The following INPP5F variants were observed in gnomAD, a reference collection of about 807,000 sequenced individuals.
The protein encoded by INPP5F is inositol polyphosphate-5-phosphatase F.
In INPP5F, 97 loss-of-function variants were observed where a neutral mutation model predicts 137.2. The ratio of observed to expected loss-of-function variants is 0.71; its 90% CI spans 0.60 to 0.84. INPP5F has a LOEUF of 0.84. Ranked by LOEUF, INPP5F falls within the 40% of genes least tolerant of loss-of-function variation. The pLI, the probability that INPP5F is intolerant of heterozygous loss-of-function variation, is 0.00. For synonymous variants in INPP5F, 504 were observed against 476.9 expected, an observed-to-expected ratio of 1.06 and a Z score of -0.74; for missense variants, 1,271 against 1,371.9, an observed-to-expected ratio of 0.93 and a Z score of 1.16.
chr10:119,742,324 T>C (rs1039942758), intron 1 of INPP5F, among the ~76,000 whole-genome samples: 1 of 151,824 alleles, frequency 6.6e-6, no homozygotes, highest in African/African-American at 2.4e-5. Context: ...CTGGTTAATT[T>C]TTTTTGTATT....
chr10:119,780,767 TAC>T (rs1411614648), intron 2 of INPP5F, among the ~76,000 whole-genome samples: 1 of 152,194 alleles, frequency 6.6e-6, no homozygotes, highest in Non-Finnish European at 1.5e-5. Context: ...GCTTAAACAA[TAC>T]AGTTTAAAAA....
At chr10:119,772,424 T>TCTTTCG (rs1849393353) in intron 2 of INPP5F, among the ~76,000 whole-genome samples, 3 of 152,192 alleles carry the variant, frequency 2.0e-5, no homozygotes, top group Middle Eastern at 3.2e-3. Flanking sequence ...CAGCTCTTTC[T>TCTTTCG]ATTTCGTAAA....
intron 2 of INPP5F, among the ~76,000 whole-genome samples, chr10:119,766,751 G>C (rs1849176022): frequency 6.6e-6 from 1 of 151,556 alleles, no homozygotes. Context: ...TAAAAATAAA[G>C]ACATTTTGAG....
intron 2 of INPP5F, among the ~76,000 whole-genome samples, chr10:119,758,673 T>A: frequency 6.6e-6 from 1 of 152,186 alleles, no homozygotes; most frequent in East Asian, 1.9e-4. Flanking sequence ...AAGAGAAAAT[T>A]GTCAGGAGCC....
rs757423473 is a variant in INPP5F at position 119,826,972 on chromosome 10, T to C, written c.2591T>C (p.Leu864Pro). 7 of 1,614,030 alleles carry C rather than the reference T, an allele frequency of 4.3e-6. No individual in the cohort carries two copies. The highest frequency in any genetic ancestry group is 5.9e-6 in the Non-Finnish European group (7 of 1,179,992). The change falls in exon 20 of 20, where the codon CTT (leucine) becomes CCT (proline). Residue 864 changes from leucine to proline, a missense_variant. Physicochemically the swap from Leu to Pro is moderately conservative, Grantham distance 98. Coordinates refer to ENST00000650623, the MANE Select transcript of INPP5F (RefSeq NM_014937.4). ...DNDSYHSDEFLTNSKSDEDRQ... is the reference protein window; with the variant it reads ...DNDSYHSDEFPTNSKSDEDRQ... The stretch of plus-strand genomic sequence containing the variant: ...GACTCATACCACTCTGATGAATTCC[T>C]TACAAATTCTAAGTCTGATGAAGAC...
intron 2 of INPP5F, among the ~76,000 whole-genome samples, chr10:119,767,153 A>C (rs900762861): frequency 4.9e-5 from 7 of 143,888 alleles, no homozygotes; most frequent in Non-Finnish European, 9.1e-5. Flanking sequence ...ATTTTCAGGC[A>C]AAAGGAAAAT....
At position 119,827,576 on chromosome 10, in the gene INPP5F, C is replaced by T. The variant is rs1851820960; in HGVS notation, c.3195C>T (p.Ser1065=). 2 of 1,614,036 alleles carry T rather than the reference C, an allele frequency of 1.2e-6. No homozygotes were observed. Among genetic ancestry groups the T allele is most frequent in the Admixed American group, 1.7e-5 (1 of 60,002 alleles). The change falls in exon 20 of 20, where the codon AGC becomes AGT. Residue 1065 remains serine (S), a synonymous_variant. Coordinates refer to ENST00000650623, the MANE Select transcript of INPP5F (RefSeq NM_014937.4). ...VTPSPSESSS[S]RAVSPFAKIR... ...CTTCTCCTTCAGAGAGCAGTAGCAG[C>T]AGAGCAGTCTCTCCCTTTGCCAAGA...
chr10:119,741,842 A>G (rs905609830), intron 1 of INPP5F, among the ~76,000 whole-genome samples: 15 of 150,092 alleles, frequency 1.0e-4, no homozygotes, highest in African/African-American at 3.4e-4. Flanking sequence ...GCCATTATTT[A>G]TTTTTTTTGA....
At chr10:119,812,339 G>T (rs1851074534) in intron 15 of INPP5F, among the ~76,000 whole-genome samples, 1 of 151,234 alleles carries the variant, frequency 6.6e-6, no homozygotes, top group African/African-American at 2.4e-5. Context: ...TTATAAAGTG[G>T]TCCTGGCCTT....
intron 10 of INPP5F, 61 bp from the exon 11 acceptor site, chr10:119,805,323 A>C (rs1850730594): frequency 7.5e-7 from 1 of 1,341,594 alleles, no homozygotes; most frequent in East Asian, 2.4e-5. Flanking sequence ...GCATATCTTA[A>C]GTTTTAAAAA....
intron 15 of INPP5F, among the ~76,000 whole-genome samples, chr10:119,813,090 A>T (rs1302030565): frequency 6.6e-6 from 1 of 152,226 alleles, no homozygotes; most frequent in African/African-American, 2.4e-5. Flanking sequence ...TGGGATAATC[A>T]AAATTGGGAA....
intron 1 of INPP5F, among the ~76,000 whole-genome samples, chr10:119,745,865 C>T (rs775363967): frequency 4.0e-5 from 6 of 151,798 alleles, no homozygotes; most frequent in Admixed American, 1.3e-4. Context: ...CTACCATGCC[C>T]GGCTAGTTTT....
rs747816450 is a variant in INPP5F at position 119,826,897 on chromosome 10, T to C, written c.2516T>C (p.Val839Ala). 41 of 1,613,520 alleles carry C rather than the reference T, an allele frequency of 2.5e-5. No individual in the cohort carries two copies. The highest frequency in any genetic ancestry group is 3.1e-5 in the Non-Finnish European group (37 of 1,179,906). The stretch of plus-strand genomic sequence containing the variant: ...CTTGAAACTATGGAAAACACAGGAG[T>C]GATGGATAAGGTTCAGGCAGAGTCT... ...SSLETMENTG[V>A]MDKVQAESDG... The change falls in exon 20 of 20, where the codon GTG (valine) becomes GCG (alanine). Residue 839 changes from valine (V) to alanine (A), a missense_variant. This residue lies in a region of INPP5F where 490 missense variants were observed against 443.7 expected (regional missense o/e 1.10). Transcript: ENST00000650623.
rs768849313 is a variant in INPP5F, at chr10:119,827,359, A to G, written c.2978A>G (p.Asn993Ser). The G allele has an allele frequency of 1.9e-6, 3 of 1,614,128 alleles. No homozygotes were observed. The highest frequency in any genetic ancestry group is 1.7e-5 in the Admixed American group (1 of 60,028). ...AGTCAGGAAAGAAATCAAATGACCA[A>G]TCAAGTTTCAAATGAAACCCAATCA... ...QASQERNQMTNQVSNETQSES... is the reference protein window; with the variant it reads ...QASQERNQMTSQVSNETQSES... Residue 993 changes from asparagine (N) to serine (S), a missense_variant, in exon 20 of 20, where the codon AAT (asparagine) becomes AGT (serine). By Grantham distance (46) the Asn-to-Ser change is conservative. Coordinates refer to ENST00000650623, the MANE Select transcript of INPP5F (RefSeq NM_014937.4).
chr10:119,739,022 G>GA (rs11418849), intron 1 of INPP5F, among the ~76,000 whole-genome samples: 127,936 of 146,356 alleles, frequency 0.87, 55,872 homozygotes, highest in East Asian at 0.9. Flanking sequence ...TCTCTACTAA[G>GA]AAAAAAAAAA....
intron 1 of INPP5F, among the ~76,000 whole-genome samples, chr10:119,731,707 A>G (rs759496625): frequency 7.9e-5 from 12 of 152,208 alleles, no homozygotes; most frequent in African/African-American, 2.4e-4. Flanking sequence ...TTACCATGAC[A>G]GAATTTAATA....
intron 15 of INPP5F, among the ~76,000 whole-genome samples, chr10:119,812,229 T>C (rs1262012469): frequency 1.3e-5 from 2 of 152,270 alleles, no homozygotes; most frequent in African/African-American, 4.8e-5. Context: ...TGCAGCTGGC[T>C]GTGGGTTCCC....
At chr10:119,781,156 A>C (rs1849687290) in intron 2 of INPP5F, among the ~76,000 whole-genome samples, 1 of 152,268 alleles carries the variant, frequency 6.6e-6, no homozygotes, top group African/African-American at 2.4e-5. Flanking sequence ...TTGTAATTAT[A>C]AAATAGGCTT....
chr10:119,815,067 C>G (rs36037572), intron 15 of INPP5F, among the ~76,000 whole-genome samples: 9,787 of 152,028 alleles, frequency 0.064, 426 homozygotes, highest in South Asian at 0.26. Context: ...GCGTTTCACC[C>G]TGTTAGCCAG....
Sources: gnomAD v4.1 joint callset for allele counts (sites outside exome capture counted in the v4.1 genomes callset) on GRCh38, gnomAD v4.1.1 for gene constraint, gnomAD v4.1.1 regional missense constraint, MANE v1.5 for transcripts, NCBI Gene and HGNC (gene_info 2026-07-23, HGNC 2026-07-21) for gene names.